Variants in PKNOX1 observed in about 807,000 individuals in gnomAD.
The protein encoded by PKNOX1 is homeobox protein PKNOX1.
PKNOX1 carries 15 observed loss-of-function variants against 51.9 expected under a neutral mutation model. That is an observed-to-expected ratio of 0.29 (90% confidence interval 0.19 to 0.45). The LOEUF (loss-of-function observed/expected upper bound fraction) is 0.45. Ranked by LOEUF, PKNOX1 falls within the 20% of genes least tolerant of loss-of-function variation. The probability of loss-of-function intolerance (pLI) is 1.00; values close to 1 mark genes in which losing one functional copy is unlikely to be tolerated. For synonymous variants in PKNOX1, 219 were observed against 211.1 expected (o/e 1.04, Z -0.32); for missense variants, 462 against 547.5 (o/e 0.84, Z 1.56).
chr21:42,993,256 T>G (rs528385215), intron 1 of PKNOX1, among the ~76,000 whole-genome samples: 1 of 152,214 alleles, frequency 6.6e-6, no homozygotes, highest in African/African-American at 2.4e-5. Context: ...TTTCCTCCCC[T>G]CACGAAGCTC....
Position 43,029,972 on chromosome 21 carries a change from G to A in PKNOX1, c.1182G>A (p.Ala394=), listed in dbSNP as rs576347463. ...QSLSSDGATL[A]VQQVMMAGQS... Reference sequence around the variant, plus strand: ...TGTCCTCGGACGGGGCCACCCTGGCGGTGCAGCAGGTCATGATGGCAGGGC... The same window carrying A: ...TGTCCTCGGACGGGGCCACCCTGGCAGTGCAGCAGGTCATGATGGCAGGGC... Residue 394 remains alanine (A), a synonymous_variant, in exon 11 of 11, where the codon GCG becomes GCA. Coordinates refer to ENST00000291547, the MANE Select transcript of PKNOX1 (RefSeq NM_004571.5). 1.5e-5 allele frequency: 25 copies of A among 1,614,116 alleles called. No individual in the cohort carries two copies. The East Asian group carries it at 1.6e-4, about 10-fold the overall frequency.
chr21:42,986,017 A>AAT (rs34594458), intron 1 of PKNOX1, among the ~76,000 whole-genome samples: 29,040 of 147,496 alleles, frequency 0.2, 3,304 homozygotes, highest in Non-Finnish European at 0.25. Context: ...AAAAAAAAAA[A>AAT]TTAAAAAAAA....
chr21:43,006,158 C>CT (rs1978979005), intron 2 of PKNOX1, among the ~76,000 whole-genome samples: 1 of 151,914 alleles, frequency 6.6e-6, no homozygotes, highest in African/African-American at 2.4e-5. Context: ...GAGTCTTGCT[C>CT]TGTTGCCCCG....
chr21:43,017,144 T>C, intron 6 of PKNOX1, 137 bp downstream of exon 6: 2 of 512,380 alleles, frequency 3.9e-6, no homozygotes, highest in Admixed American at 6.5e-5. Flanking sequence ...TAGAGGTCTC[T>C]GAATGCCTCT....
intron 1 of PKNOX1, among the ~76,000 whole-genome samples, chr21:42,993,873 C>T (rs1021031234): frequency 1.3e-4 from 19 of 151,706 alleles, no homozygotes; most frequent in African/African-American, 3.4e-4. Flanking sequence ...GCTGGGATTA[C>T]AGGCACACGC....
In PKNOX1 at chr21:42,977,640, C is replaced by T. The variant is rs145593244; in HGVS notation, c.-57+2976C>T. ...TCGGCTCACTGCAACCTCCACCTCC[C>T]GGGTTCAAGCGATTCTCCTGCCTCA... On this transcript the variant is annotated intron_variant, in intron 1 of 10. Transcript: ENST00000291547. Among the ~76,000 whole-genome samples the T allele has an allele frequency of 8.5e-3, 1,232 of 144,732 alleles. 13 individuals carry two copies. Among genetic ancestry groups the T allele is most frequent in the Middle Eastern group, 0.024 (6 of 248 alleles). The allele number at this position is 144,732 out of a possible 152,430, so 94.9% of individuals were successfully genotyped here.
intron 1 of PKNOX1, among the ~76,000 whole-genome samples, chr21:42,996,203 T>C (rs927891467): frequency 3.9e-5 from 6 of 152,118 alleles, no homozygotes; most frequent in Admixed American, 3.3e-4. Flanking sequence ...CAAGACCTTG[T>C]CTCAGAAAAG....
chr21:43,004,285 C>G (rs569561145), intron 1 of PKNOX1, 41 bp from the exon 2 acceptor site: 22 of 838,204 alleles, frequency 2.6e-5, no homozygotes, highest in South Asian at 2.3e-4. Flanking sequence ...AAAAAATGCT[C>G]TACAACTATT....
At chr21:42,979,650 G>A (rs1211856952) in intron 1 of PKNOX1, among the ~76,000 whole-genome samples, 2 of 152,174 alleles carry the variant, frequency 1.3e-5, no homozygotes, top group Non-Finnish European at 2.9e-5. Flanking sequence ...GCTAAGGCAG[G>A]AGAATGGCGT....
At chr21:42,988,991 A>G (rs1982721859) in intron 1 of PKNOX1, among the ~76,000 whole-genome samples, 1 of 150,822 alleles carries the variant, frequency 6.6e-6, no homozygotes, top group African/African-American at 2.4e-5. Context: ...TTGACTTCTC[A>G]GGCTGGGGAC....
At chr21:42,991,748 A>G (rs1472192172) in intron 1 of PKNOX1, among the ~76,000 whole-genome samples, 1 of 150,748 alleles carries the variant, frequency 6.6e-6, no homozygotes, top group South Asian at 2.1e-4. Flanking sequence ...AAAAAAAAAC[A>G]AACCAAAAAA....
At chr21:42,975,781 C>A (rs935092842) in intron 1 of PKNOX1, among the ~76,000 whole-genome samples, 3 of 152,234 alleles carry the variant, frequency 2.0e-5, no homozygotes, top group Admixed American at 1.3e-4. Flanking sequence ...GGGTTCTCTT[C>A]CAACTCTACG....
At chr21:42,985,168 A>G in intron 1 of PKNOX1, among the ~76,000 whole-genome samples, 1 of 151,292 alleles carries the variant, frequency 6.6e-6, no homozygotes, top group South Asian at 2.1e-4. Flanking sequence ...TTGTACTTGC[A>G]GTAGAGACAG....
intron 2 of PKNOX1, 137 bp from the exon 3 acceptor site, chr21:43,007,354 T>G: frequency 1.3e-6 from 1 of 762,248 alleles, no homozygotes; most frequent in Non-Finnish European, 2.2e-6. Flanking sequence ...GCTGTTTTGT[T>G]GGTAGCATTC....
chr21:43,017,214 C>A, intron 6 of PKNOX1: 1 of 364,908 alleles, frequency 2.7e-6, no homozygotes, highest in Non-Finnish European at 4.9e-6. Context: ...GTTTCTCTAC[C>A]AAAAATATAT....
chr21:43,024,166 C>T (rs1979887810), intron 8 of PKNOX1, among the ~76,000 whole-genome samples: 1 of 152,178 alleles, frequency 6.6e-6, no homozygotes, highest in Non-Finnish European at 1.5e-5. Context: ...AGAGATCTCA[C>T]CCCAGGAAAG....
intron 2 of PKNOX1, among the ~76,000 whole-genome samples, chr21:43,005,811 A>G (rs1978963996): frequency 6.6e-6 from 1 of 152,048 alleles, no homozygotes; most frequent in African/African-American, 2.4e-5. Context: ...CCTCCTGTGC[A>G]CCAAGGCACG....
chr21:43,007,537 C>T lies in PKNOX1; in HGVS notation c.98C>T (p.Ser33Phe), dbSNP rs765382816. ...ELKTEQDPNC[S>F]EPDAEGVSPP... The stretch of plus-strand genomic sequence containing the variant: ...AAGACAGAACAAGATCCAAACTGCT[C>T]TGAACCCGATGCAGAAGGAGTGAGC... Residue 33 changes from serine (S) to phenylalanine (F), a missense_variant, in exon 3 of 11, where the codon TCT becomes TTT. Physicochemically the swap from Ser to Phe is radical, Grantham distance 155. Transcript: ENST00000291547. 1.2e-6 allele frequency: 2 copies of T among 1,613,922 alleles called. No individual in the cohort carries two copies. The highest frequency in any genetic ancestry group is 1.3e-5 in the African/African-American group (1 of 75,038).
chr21:42,992,118 G>T (rs373849184), intron 1 of PKNOX1, among the ~76,000 whole-genome samples: 1 of 152,238 alleles, frequency 6.6e-6, no homozygotes, highest in African/African-American at 2.4e-5. Flanking sequence ...TCATGGGCCA[G>T]CTGCTTCATC....
Sources: allele counts gnomAD v4.1 joint callset (sites outside exome capture counted in the v4.1 genomes callset), GRCh38; gene constraint gnomAD v4.1.1; transcripts MANE v1.5; gene names NCBI Gene and HGNC (gene_info 2026-07-23, HGNC 2026-07-21).